The following KBTBD12 variants were observed in gnomAD, a reference collection of about 807,000 sequenced individuals.
KBTBD12 encodes the protein kelch repeat and BTB domain containing 12.
KBTBD12 carries 53 observed loss-of-function variants against 58.7 expected under a neutral mutation model. The observed-to-expected ratio is 0.90, with a 90% CI of 0.72 to 1.14. The LOEUF (loss-of-function observed/expected upper bound fraction) is 1.14, where lower values mean the gene tolerates loss of function less well. Among genes scored for constraint, KBTBD12 ranks in the 50% most tolerant of loss-of-function variants. The pLI, the probability that KBTBD12 is intolerant of heterozygous loss-of-function variation, is 0.00. For missense variants in KBTBD12, 704 were observed against 751.3 expected (o/e 0.94, Z 0.74); for synonymous variants, 236 against 259.8 (o/e 0.91, Z 0.88).
chr3:127,953,648 G>A (rs1333589182), intron 4 of KBTBD12, among the ~76,000 whole-genome samples: 1 of 152,220 alleles, frequency 6.6e-6, no homozygotes, highest in Non-Finnish European at 1.5e-5. Context: ...TGTTGTCACA[G>A]ATACCATGAA....
intron 4 of KBTBD12, among the ~76,000 whole-genome samples, chr3:127,953,746 G>A (rs1940259238): frequency 6.6e-6 from 1 of 152,162 alleles, no homozygotes; most frequent in Admixed American, 6.5e-5. Context: ...GTTTTTCCTG[G>A]AAATCTATAA....
At chr3:127,916,884 G>C (rs1223356356) in intron 1 of KBTBD12, among the ~76,000 whole-genome samples, 1 of 152,152 alleles carries the variant, frequency 6.6e-6, no homozygotes, top group Admixed American at 6.5e-5. Flanking sequence ...ATAAGCAAGG[G>C]AGTCACTTCA....
At chr3:127,916,103 G>A (rs1398568122) in intron 1 of KBTBD12, among the ~76,000 whole-genome samples, 1 of 152,188 alleles carries the variant, frequency 6.6e-6, no homozygotes, top group Admixed American at 6.5e-5. Flanking sequence ...GCTATAATGC[G>A]GATTAAAGCA....
At position 127,923,578 on chromosome 3, in the gene KBTBD12, G is replaced by T. The variant is rs755721545; in HGVS notation, c.517G>T (p.Glu173Ter). The change falls in exon 2 of 6, where the codon GAA (glutamate) becomes TAA (stop). Residue 173 changes from glutamate (E) to a stop codon, truncating the protein, a stop_gained. Coordinates refer to ENST00000405109, the MANE Select transcript of KBTBD12 (RefSeq NM_207335.4). LOFTEE classifies it high-confidence loss of function. ...VSLHEEILEI[E>*]VHQFLTLIKS... ...CTTACATGAAGAAATACTAGAAATC[G>T]AAGTGCACCAATTTTTGACACTTAT... is the stretch of plus-strand genomic sequence containing the variant. 1.9e-6 allele frequency: 3 copies of T among 1,613,366 alleles called. No individual in the cohort carries two copies. Among genetic ancestry groups the T allele is most frequent in the African/African-American group, 1.3e-5 (1 of 75,040 alleles).
intron 5 of KBTBD12, among the ~76,000 whole-genome samples, chr3:127,974,451 C>T (rs1940742017): frequency 6.6e-6 from 1 of 152,140 alleles, no homozygotes; most frequent in Non-Finnish European, 1.5e-5. Context: ...CCCTAGATGC[C>T]AGAGCAGCAG....
chr3:127,961,787 G>A (rs1380131060), intron 4 of KBTBD12, among the ~76,000 whole-genome samples: 2 of 152,168 alleles, frequency 1.3e-5, no homozygotes, highest in Admixed American at 6.5e-5. Flanking sequence ...TATGGAAAAC[G>A]ACAGGCCAGT....
Position 127,963,212 on chromosome 3 carries a change from G to C in KBTBD12, c.1516G>C (p.Asp506His). 7 of 1,610,716 alleles carry C rather than the reference G, an allele frequency of 4.3e-6. No homozygotes were observed. The highest frequency in any genetic ancestry group is 5.9e-6 in the Non-Finnish European group (7 of 1,178,494). The change falls in exon 5 of 6, where the codon GAC becomes CAC. Residue 506 changes from aspartate to histidine, a missense_variant. Transcript: ENST00000405109. Reference protein sequence around the residue: ...VLGGIGCVGQDKGQVRKCLDV... With the variant: ...VLGGIGCVGQHKGQVRKCLDV... ...AGGTGGCATTGGCTGTGTAGGTCAA[G>C]ACAAGGGCCAGGTTCGAAAATGCCT...
rs752849853 is a variant in KBTBD12, at chr3:127,930,284, G to C, written c.1492+1G>C. On this transcript the variant is annotated splice_donor_variant, in intron 4 of 5. Transcript: ENST00000405109. LOFTEE classifies it high-confidence loss of function. ...GTCAACAGTGAGATTTATGTTTTGG[G>C]TAAGAAGAAGCAGATTGCTAACAGT... The C allele has an allele frequency of 1.2e-6, 2 of 1,610,504 alleles. No individual in the cohort carries two copies. Among genetic ancestry groups the C allele is most frequent in the Admixed American group, 3.4e-5 (2 of 59,580 alleles).
At chr3:127,960,260 CAAG>C (rs2107608484) in intron 4 of KBTBD12, among the ~76,000 whole-genome samples, 1 of 152,182 alleles carries the variant, frequency 6.6e-6, no homozygotes, top group Admixed American at 6.5e-5. Context: ...GCCACACACA[CAAG>C]AAGGAGGGAG....
At chr3:127,969,935 C>T (rs1445612611) in intron 5 of KBTBD12, among the ~76,000 whole-genome samples, 1 of 143,898 alleles carries the variant, frequency 6.9e-6, no homozygotes, top group Non-Finnish European at 1.5e-5. Flanking sequence ...GCACACATAC[C>T]AAAAAAAAAA....
At chr3:127,916,613 A>C (rs1429685788) in intron 1 of KBTBD12, among the ~76,000 whole-genome samples, 3 of 151,450 alleles carry the variant, frequency 2.0e-5, no homozygotes, top group African/African-American at 7.3e-5. Context: ...TTAAGGACTC[A>C]GTGTTGCCAT....
At chr3:127,979,683 T>A (rs541667588) in intron 5 of KBTBD12, among the ~76,000 whole-genome samples, 11 of 152,352 alleles carry the variant, frequency 7.2e-5, no homozygotes, top group African/African-American at 2.6e-4. Context: ...AACATTTCCC[T>A]CATCACAGTG....
rs147617827 is a variant in KBTBD12 at position 127,960,161 on chromosome 3, C to T, written c.1493-3028C>T. 3.2e-3 allele frequency among the ~76,000 whole-genome samples: 494 copies of T among 152,270 alleles called. 1 individual carries two copies. The highest frequency in any genetic ancestry group is 0.011 in the African/African-American group (446 of 41,560). On this transcript the variant is annotated intron_variant, in intron 4 of 5. Transcript: ENST00000405109. The stretch of plus-strand genomic sequence containing the variant: ...GGCAACTTGGGCAGCGAGTACCACT[C>T]CCCTCTGCTTCAGCCAGCTCCCTGC...
intron 4 of KBTBD12, among the ~76,000 whole-genome samples, chr3:127,949,483 G>A (rs1251498593): frequency 1.3e-5 from 2 of 152,154 alleles, no homozygotes; most frequent in Non-Finnish European, 2.9e-5. Flanking sequence ...CTTATTGAAA[G>A]GACCAGACAC....
At chr3:127,968,080 C>A (rs780565128) in intron 5 of KBTBD12, among the ~76,000 whole-genome samples, 4 of 152,168 alleles carry the variant, frequency 2.6e-5, no homozygotes, top group Non-Finnish European at 5.9e-5. Flanking sequence ...CACATTGCCC[C>A]GTGAGAATAA....
At chr3:127,963,543 G>A (rs1940496379) in intron 5 of KBTBD12, 157 bp downstream of exon 5, 2 of 638,192 alleles carry the variant, frequency 3.1e-6, no homozygotes, top group Non-Finnish European at 2.6e-6. Context: ...TCTTGGCCTG[G>A]GTTTCACATG....
intron 5 of KBTBD12, among the ~76,000 whole-genome samples, chr3:127,972,552 G>A (rs1164692379): frequency 2.0e-5 from 3 of 152,162 alleles, no homozygotes; most frequent in Non-Finnish European, 4.4e-5. Context: ...AGCTCATTGA[G>A]GGCAAAATAA....
At chr3:127,962,382 T>C (rs1940459850) in intron 4 of KBTBD12, among the ~76,000 whole-genome samples, 1 of 152,216 alleles carries the variant, frequency 6.6e-6, no homozygotes, top group Non-Finnish European at 1.5e-5. Context: ...GTACTTAAAG[T>C]CATGATTCTC....
intron 5 of KBTBD12, among the ~76,000 whole-genome samples, chr3:127,972,626 C>T (rs1235917089): frequency 6.6e-6 from 1 of 152,124 alleles, no homozygotes; most frequent in East Asian, 1.9e-4. Flanking sequence ...TGTGCTTCTT[C>T]ACAAAATAGC....
Sources: allele counts gnomAD v4.1 joint callset (sites outside exome capture counted in the v4.1 genomes callset), GRCh38; gene constraint gnomAD v4.1.1; transcripts MANE v1.5; gene names NCBI Gene and HGNC (gene_info 2026-07-23, HGNC 2026-07-21).